The following DCLK1 variants were observed in gnomAD, a reference collection of about 807,000 sequenced individuals.
The protein encoded by DCLK1 is doublecortin like kinase 1.
A neutral mutation model predicts 86.2 loss-of-function variants in DCLK1; 16 were observed. That is an observed-to-expected ratio of 0.19 (90% CI 0.13 to 0.28). The LOEUF (loss-of-function observed/expected upper bound fraction) is 0.28, where lower values mean the gene tolerates loss of function less well. Ranked by LOEUF, DCLK1 falls within the 10% of genes least tolerant of loss-of-function variation. The pLI is 1.00. For synonymous variants in DCLK1, 369 were observed against 370.5 expected (o/e 1.00, Z 0.05); for missense variants, 590 against 940.2 (o/e 0.63, Z 4.87).
chr13:35,934,314 C>T (rs1462583473), intron 4 of DCLK1, among the ~76,000 whole-genome samples: 1 of 152,118 alleles, frequency 6.6e-6, no homozygotes, highest in African/African-American at 2.4e-5. Context: ...TTAGCAGCAC[C>T]CCACTCTACT....
chr13:36,016,274 A>C (rs1374961394), intron 3 of DCLK1, among the ~76,000 whole-genome samples: 1 of 152,218 alleles, frequency 6.6e-6, no homozygotes, highest in Non-Finnish European at 1.5e-5. Context: ...ACAGTACATT[A>C]AAATGCAGCA....
At chr13:36,063,025 T>G (rs140307424) in intron 3 of DCLK1, among the ~76,000 whole-genome samples, 105 of 152,338 alleles carry the variant, frequency 6.9e-4, no homozygotes, top group African/African-American at 2.4e-3. Context: ...GCATGTAACA[T>G]GCTGCCAGTG....
At chr13:35,879,893 T>G (rs1336217824) in intron 4 of DCLK1, among the ~76,000 whole-genome samples, 1 of 152,106 alleles carries the variant, frequency 6.6e-6, no homozygotes, top group African/African-American at 2.4e-5. Flanking sequence ...GCCAGTAGCT[T>G]CCCTAGTTAT....
intron 4 of DCLK1, among the ~76,000 whole-genome samples, chr13:35,893,674 G>A (rs963259046): frequency 7.9e-5 from 12 of 152,192 alleles, no homozygotes; most frequent in Admixed American, 6.5e-4. Flanking sequence ...ACACAGCATG[G>A]TAAGTGGAGA....
intron 7 of DCLK1, among the ~76,000 whole-genome samples, chr13:35,838,065 C>CAAAAAAAAA (rs748395648): frequency 2.1e-3 from 208 of 100,362 alleles, no homozygotes; most frequent in African/African-American, 8.1e-3. Context: ...GACTCCATCT[C>CAAAAAAAAA]AAAAAAAAAA....
intron 3 of DCLK1, among the ~76,000 whole-genome samples, chr13:36,106,773 T>C (rs984921276): frequency 6.6e-6 from 1 of 152,224 alleles, no homozygotes; most frequent in African/African-American, 2.4e-5. Context: ...ACATTTTGTC[T>C]GGAAACCTCT....
intron 4 of DCLK1, among the ~76,000 whole-genome samples, chr13:35,885,363 A>G (rs1230758285): frequency 6.6e-6 from 1 of 152,218 alleles, no homozygotes; most frequent in African/African-American, 2.4e-5. Flanking sequence ...AAATAAACAA[A>G]TAAAAATTCA....
intron 16 of DCLK1, among the ~76,000 whole-genome samples, chr13:35,787,677 G>A (rs1394838123): frequency 6.6e-6 from 1 of 152,088 alleles, no homozygotes; most frequent in Non-Finnish European, 1.5e-5. Flanking sequence ...ACAAAAAGGT[G>A]GAGAATTTGA....
Position 36,031,754 on chromosome 13 carries a change from C to T in DCLK1, c.723+80115G>A, listed in dbSNP as rs77459073. On this transcript the variant is annotated intron_variant, in intron 3 of 16. Coordinates refer to ENST00000360631, the MANE Select transcript of DCLK1 (RefSeq NM_001330071.2). ...TAGCATGGTCTTCTGATCCCCTATG[C>T]GATTTGTTGTGGTTGTTGTTGAAAC... Among the ~76,000 whole-genome samples, 4 of 152,256 alleles carry T rather than the reference C, an allele frequency of 2.6e-5. No individual in the cohort carries two copies. The East Asian group carries it at 7.7e-4, about 29-fold the overall frequency.
chr13:36,121,943 T>G (rs1886008307), intron 2 of DCLK1, among the ~76,000 whole-genome samples: 1 of 152,134 alleles, frequency 6.6e-6, no homozygotes, highest in Non-Finnish European at 1.5e-5. Context: ...CTGTTTTTTG[T>G]TTTTGCTTTT....
chr13:36,005,908 C>A (rs533270351), intron 3 of DCLK1, among the ~76,000 whole-genome samples: 1 of 152,138 alleles, frequency 6.6e-6, no homozygotes, highest in Non-Finnish European at 1.5e-5. Context: ...AGCAAACAAA[C>A]ACAGGAACAG....
At chr13:35,820,067 G>A (rs1171156890) in intron 11 of DCLK1, among the ~76,000 whole-genome samples, 1 of 152,122 alleles carries the variant, frequency 6.6e-6, no homozygotes, top group Non-Finnish European at 1.5e-5. Context: ...CTTCTGTGAT[G>A]GTTCTCTTAT....
chr13:35,788,355 C>A, intron 16 of DCLK1: 1 of 1,398,462 alleles, frequency 7.2e-7, no homozygotes, highest in Non-Finnish European at 1.0e-6. Context: ...CCAGACCAAG[C>A]TGTTCTTCAT....
At chr13:36,050,914 A>G (rs1883099138) in intron 3 of DCLK1, among the ~76,000 whole-genome samples, 1 of 152,176 alleles carries the variant, frequency 6.6e-6, no homozygotes, top group Non-Finnish European at 1.5e-5. Flanking sequence ...GAGGAGTGCC[A>G]GTAGGTCATG....
chr13:36,077,973 G>C (rs1884270409), intron 3 of DCLK1, among the ~76,000 whole-genome samples: 1 of 152,172 alleles, frequency 6.6e-6, no homozygotes, highest in South Asian at 2.1e-4. Flanking sequence ...TAGTAAGATA[G>C]TCCTCTGGAC....
intron 4 of DCLK1, among the ~76,000 whole-genome samples, chr13:35,898,058 A>C (rs549540937): frequency 1.3e-5 from 2 of 152,234 alleles, no homozygotes; most frequent in Non-Finnish European, 2.9e-5. Flanking sequence ...AGCAGAGGGC[A>C]TATGTGGCTG....
At chr13:35,852,502 G>T (rs578248504) in intron 6 of DCLK1, among the ~76,000 whole-genome samples, 5 of 152,144 alleles carry the variant, frequency 3.3e-5, no homozygotes, top group South Asian at 2.1e-4. Context: ...TAAACCCTTT[G>T]TCCTCCTAAA....
At chr13:35,894,889 G>A (rs375578958) in intron 4 of DCLK1, among the ~76,000 whole-genome samples, 5 of 152,170 alleles carry the variant, frequency 3.3e-5, no homozygotes, top group African/African-American at 1.2e-4. Flanking sequence ...ACAAAAGACT[G>A]ACTCCAAACT....
intron 4 of DCLK1, among the ~76,000 whole-genome samples, chr13:35,937,930 G>T (rs1876853834): frequency 6.6e-6 from 1 of 152,098 alleles, no homozygotes; most frequent in Non-Finnish European, 1.5e-5. Context: ...TAGGATAGGA[G>T]GAACCTGGGC....
Sources: gnomAD v4.1 joint callset for allele counts (sites outside exome capture counted in the v4.1 genomes callset) on GRCh38, gnomAD v4.1.1 for gene constraint, MANE v1.5 for transcripts, NCBI Gene and HGNC (gene_info 2026-07-23, HGNC 2026-07-21) for gene names.